The following CCDC70 variants were observed in gnomAD, a reference collection of about 807,000 sequenced individuals.
CCDC70 encodes the protein coiled-coil domain-containing protein 70.
Under a neutral mutation model 9.1 loss-of-function variants are expected in CCDC70, and 4 were observed. That is an observed-to-expected ratio of 0.44 (90% CI 0.22 to 1.00). The LOEUF is 1.00. CCDC70 is among the 50% of genes least tolerant of loss of function. The pLI is 0.25. For missense variants in CCDC70, 308 were observed against 271.3 expected (o/e 1.14, Z -0.95); for synonymous variants, 119 against 94.0 (o/e 1.27, Z -1.54).
Position 51,865,433 on chromosome 13 carries a change from A to C in CCDC70, c.22A>C (p.Arg8=). Residue 8 remains arginine, a synonymous_variant, in exon 2 of 2, where the codon AGA becomes CGA. Coordinates refer to ENST00000242819, the MANE Select transcript of CCDC70 (RefSeq NM_031290.4). MFSFKVS[R]WMGLACFRSL... is the part of the protein sequence containing the mutation. ...GAAGATGTTTTCCTTCAAGGTGAGCAGATGGATGGGGCTTGCCTGCTTCCG... is the reference window on the plus strand; with the variant it reads ...GAAGATGTTTTCCTTCAAGGTGAGCCGATGGATGGGGCTTGCCTGCTTCCG... The C allele has an allele frequency of 1.2e-6, 2 of 1,612,796 alleles. No homozygotes were observed. The highest frequency in any genetic ancestry group is 1.7e-6 in the Non-Finnish European group (2 of 1,179,458).
chr13:51,866,051 TTGC>T lies in CCDC70; in HGVS notation c.643_645del (p.Leu215del). Reference sequence around the variant, plus strand: ...CCACAACGCCAACAGAGGGCAGCGCTTGCTGGCCTTCTCCCGAGGCAGGGCGTA... The same window carrying T: ...CCACAACGCCAACAGAGGGCAGCGCTTGGCCTTCTCCCGAGGCAGGGCGTA... On this transcript the variant is annotated inframe_deletion, in exon 2 of 2. Coordinates refer to ENST00000242819, the MANE Select transcript of CCDC70 (RefSeq NM_031290.4). 1 of 1,592,344 alleles carries T rather than the reference TTGC, an allele frequency of 6.3e-7. No individual in the cohort carries two copies.
In CCDC70 at chr13:51,863,704, CACACACCAGCT is replaced by C. The variant is rs1566370177; in HGVS notation, c.-81+1477_-81+1487del. 6.8e-3 allele frequency among the ~76,000 whole-genome samples: 908 copies of C among 133,632 alleles called. 11 individuals are homozygous for C. Among genetic ancestry groups the C allele is most frequent in the African/African-American group, 0.023 (876 of 38,048 alleles). 87.7% of individuals were successfully genotyped at this position (133,632 alleles called of 152,430 possible). Reference sequence around the variant, plus strand: ...ACACACACACACACACACACACACACACACACCAGCTATGTGTCTTTTCTCCTCCTCCACTC... The same window carrying C: ...ACACACACACACACACACACACACACATGTGTCTTTTCTCCTCCTCCACTC... On this transcript the variant is annotated intron_variant, in intron 1 of 1. Transcript: ENST00000242819.
rs1173078117 is a variant in CCDC70, at chr13:51,863,679, AC to A, written c.-81+1451del. ...CATATGCACGCGCACACAGACACAC[AC>A]ACACACACACACACACACACACACA... On this transcript the variant is annotated intron_variant, in intron 1 of 1. Coordinates refer to ENST00000242819, the MANE Select transcript of CCDC70 (RefSeq NM_031290.4). Among the ~76,000 whole-genome samples the A allele has an allele frequency of 1.6e-4, 16 of 97,386 alleles. 1 individual carries two copies. Among genetic ancestry groups the A allele is most frequent in the Non-Finnish European group, 4.7e-5 (2 of 42,970 alleles). The allele number at this position is 97,386 out of a possible 152,430, so 63.9% of individuals were successfully genotyped here.
chr13:51,865,536 A>G lies in CCDC70; in HGVS notation c.125A>G (p.Glu42Gly). The G allele has an allele frequency of 6.2e-7, 1 of 1,614,250 alleles. No homozygotes were observed. Among genetic ancestry groups the G allele is most frequent in the East Asian group, 2.2e-5 (1 of 44,890 alleles). The change falls in exon 2 of 2, where the codon GAA (glutamate) becomes GGA (glycine). Residue 42 changes from glutamate (E) to glycine (G), a missense_variant. Glu to Gly is a moderately conservative substitution (Grantham distance 98). Transcript: ENST00000242819. ...CTGCAGGAGGAAAAGGCTTTTCGCG[A>G]AGAGATGAAAATTTTTCGTGAAAAA... is the stretch of plus-strand genomic sequence containing the variant. ...HKLQEEKAFR[E>G]EMKIFREKIE...
chr13:51,865,932 G>C lies in CCDC70; in HGVS notation c.521G>C (p.Trp174Ser). The change falls in exon 2 of 2, where the codon TGG (tryptophan) becomes TCG (serine). Residue 174 changes from tryptophan to serine, a missense_variant. By Grantham distance (177) the Trp-to-Ser change is radical. Transcript: ENST00000242819. ...KALWEDKTSL[W>S]EEENALWEEE... ...CTGTGGGAAGATAAAACGTCCCTCTGGGAGGAAGAGAATGCCCTCTGGGAG... is the reference window on the plus strand; with the variant it reads ...CTGTGGGAAGATAAAACGTCCCTCTCGGAGGAAGAGAATGCCCTCTGGGAG... The C allele has an allele frequency of 1.9e-6, 3 of 1,614,064 alleles. No individual in the cohort carries two copies. Among genetic ancestry groups the C allele is most frequent in the Non-Finnish European group, 2.5e-6 (3 of 1,180,016 alleles).
rs1243662270 is a variant in CCDC70, at chr13:51,865,920, A to C, written c.509A>C (p.Lys170Thr). 6.2e-7 allele frequency: 1 copy of C among 1,613,922 alleles called. No individual in the cohort carries two copies. The highest frequency in any genetic ancestry group is 1.3e-5 in the African/African-American group (1 of 74,926). ...LEGEKALWEDKTSLWEEENAL... is the reference protein window; with the variant it reads ...LEGEKALWEDTTSLWEEENAL... ...GGGGAGAAAGCCCTGTGGGAAGATAAAACGTCCCTCTGGGAGGAAGAGAAT... is the reference window on the plus strand; with the variant it reads ...GGGGAGAAAGCCCTGTGGGAAGATACAACGTCCCTCTGGGAGGAAGAGAAT... The change falls in exon 2 of 2, where the codon AAA (lysine) becomes ACA (threonine). Residue 170 changes from lysine to threonine, a missense_variant. Lys to Thr is a moderately conservative substitution (Grantham distance 78). Coordinates refer to ENST00000242819, the MANE Select transcript of CCDC70 (RefSeq NM_031290.4).
chr13:51,862,758 A>C (rs1448474806), intron 1 of CCDC70, among the ~76,000 whole-genome samples: 1 of 152,202 alleles, frequency 6.6e-6, no homozygotes, highest in African/African-American at 2.4e-5. Flanking sequence ...GGGGGCCAGC[A>C]TGACATGGAA....
intron 1 of CCDC70, among the ~76,000 whole-genome samples, chr13:51,863,284 C>T (rs1370934931): frequency 1.3e-5 from 2 of 152,142 alleles, no homozygotes; most frequent in African/African-American, 2.4e-5. Flanking sequence ...CTTCCTAGGG[C>T]GTTCAGCTTT....
Position 51,865,927 on chromosome 13 carries a change from C to T in CCDC70, c.516C>T (p.Ser172=), listed in dbSNP as rs192417012. ...AAGCCCTGTGGGAAGATAAAACGTCCCTCTGGGAGGAAGAGAATGCCCTCT... is the reference window on the plus strand; with the variant it reads ...AAGCCCTGTGGGAAGATAAAACGTCTCTCTGGGAGGAAGAGAATGCCCTCT... ...GEKALWEDKT[S]LWEEENALWE... The change falls in exon 2 of 2, where the codon TCC becomes TCT. Residue 172 remains serine, a synonymous_variant. Transcript: ENST00000242819. The T allele has an allele frequency of 1.2e-6, 2 of 1,613,948 alleles. No individual in the cohort carries two copies. The highest frequency in any genetic ancestry group is 4.5e-5 in the East Asian group (2 of 44,848).
In CCDC70 at chr13:51,865,330, A is replaced by G; in HGVS notation, c.-80-2A>G. 1 of 1,476,666 alleles carries G rather than the reference A, an allele frequency of 6.8e-7. No homozygotes were observed. Among genetic ancestry groups the G allele is most frequent in the African/African-American group, 1.4e-5 (1 of 70,904 alleles). 91.5% of individuals were successfully genotyped at this position (1,476,666 alleles called of 1,614,324 possible). ...GATCTGTCTTTTCTGCTGCCCCCAC[A>G]GGGTCTGACCAGCCGACCTGGACCT... On this transcript the variant is annotated splice_acceptor_variant, in intron 1 of 1. Transcript: ENST00000242819. LOFTEE classifies it low-confidence loss of function (5UTR_SPLICE).
Position 51,865,348 on chromosome 13 carries a change from C to T in CCDC70, c.-64C>T, listed in dbSNP as rs1222777690. On this transcript the variant is annotated 5_prime_UTR_variant, in exon 2 of 2. Coordinates refer to ENST00000242819, the MANE Select transcript of CCDC70 (RefSeq NM_031290.4). Reference sequence around the variant, plus strand: ...CCCCCACAGGGTCTGACCAGCCGACCTGGACCTGGCCAAGGGTCCTGTCAT... The same window carrying T: ...CCCCCACAGGGTCTGACCAGCCGACTTGGACCTGGCCAAGGGTCCTGTCAT... The T allele has an allele frequency of 2.6e-6, 4 of 1,544,384 alleles. No homozygotes were observed. The South Asian group carries it at 5.0e-5, about 19-fold the overall frequency.
Position 51,862,799 on chromosome 13 carries a change from T to C in CCDC70, c.-81+570T>C, listed in dbSNP as rs149676529. ...GGAGGACTTCACATATTGGAGGGAT[T>C]CTAGGCAAAGAGCCATACAACATAG... On this transcript the variant is annotated intron_variant, in intron 1 of 1. Coordinates refer to ENST00000242819, the MANE Select transcript of CCDC70 (RefSeq NM_031290.4). Among the ~76,000 whole-genome samples the C allele has an allele frequency of 5.2e-3, 794 of 152,262 alleles. 9 individuals are homozygous for C. Among genetic ancestry groups the C allele is most frequent in the African/African-American group, 0.018 (767 of 41,546 alleles).
Position 51,866,101 on chromosome 13 carries a change from C to G in CCDC70, c.*21C>G, listed in dbSNP as rs1956423488. ...CGTAGCCAGCATGCAGGTGCAGGGC[C>G]CTGTGGTCCAGACTCCCCTGGGTTG... On this transcript the variant is annotated 3_prime_UTR_variant, in exon 2 of 2. Coordinates refer to ENST00000242819, the MANE Select transcript of CCDC70 (RefSeq NM_031290.4). The G allele has an allele frequency of 3.3e-6, 5 of 1,537,666 alleles. No individual in the cohort carries two copies. The highest frequency in any genetic ancestry group is 4.4e-6 in the Non-Finnish European group (5 of 1,145,464).
chr13:51,866,040 G>A lies in CCDC70; in HGVS notation c.629G>A (p.Arg210Lys). 2 of 1,603,698 alleles carry A rather than the reference G, an allele frequency of 1.2e-6. No individual in the cohort carries two copies. Among genetic ancestry groups the A allele is most frequent in the Non-Finnish European group, 8.5e-7 (1 of 1,175,706 alleles). ...MLEDGPHNAN[R>K]GQRLLAFSRG... Reference sequence around the variant, plus strand: ...GAAGATGGGCCCCACAACGCCAACAGAGGGCAGCGCTTGCTGGCCTTCTCC... The same window carrying A: ...GAAGATGGGCCCCACAACGCCAACAAAGGGCAGCGCTTGCTGGCCTTCTCC... Residue 210 changes from arginine (R) to lysine (K), a missense_variant, in exon 2 of 2, where the codon AGA becomes AAA. By Grantham distance (26) the Arg-to-Lys change is conservative. Transcript: ENST00000242819.
chr13:51,863,224 C>A (rs1334901692), intron 1 of CCDC70, among the ~76,000 whole-genome samples: 1 of 152,182 alleles, frequency 6.6e-6, no homozygotes, highest in Admixed American at 6.5e-5. Context: ...TGGGTGCAGG[C>A]TGGGTAGGAA....
chr13:51,862,154 G>A lies in CCDC70; in HGVS notation c.-156G>A, dbSNP rs1322075097. 1 of 152,246 alleles carries A rather than the reference G, an allele frequency of 6.6e-6. No homozygotes were observed. The highest frequency in any genetic ancestry group is 1.5e-5 in the Non-Finnish European group (1 of 68,086). 9.4% of individuals were successfully genotyped at this position (152,246 alleles called of 1,614,324 possible). ...GGCAAGCCTGCAAGCACGCATCACT[G>A]GGGATCTGACATGACAATGGCCGCC... On this transcript the variant is annotated 5_prime_UTR_variant, in exon 1 of 2. Coordinates refer to ENST00000242819, the MANE Select transcript of CCDC70 (RefSeq NM_031290.4).
intron 1 of CCDC70, 123 bp downstream of exon 1, chr13:51,862,352 A>G (rs1956388758): frequency 6.6e-6 from 1 of 152,248 alleles, no homozygotes; most frequent in Non-Finnish European, 1.5e-5. Flanking sequence ...ATGTATCTTT[A>G]GTGCATGTTT....
intron 1 of CCDC70, among the ~76,000 whole-genome samples, chr13:51,864,014 G>A (rs138163027): frequency 6.6e-6 from 1 of 152,220 alleles, no homozygotes; most frequent in African/African-American, 2.4e-5. Context: ...GGATTGCTAT[G>A]GATAATTCTG....
chr13:51,863,709 A>ACACC (rs35373499), intron 1 of CCDC70, among the ~76,000 whole-genome samples: 1 of 64,866 alleles, frequency 1.5e-5, no homozygotes, highest in African/African-American at 4.8e-5. Context: ...ACACACACAC[A>ACACC]CCAGCTATGT....
Sources: allele counts gnomAD v4.1 joint callset (sites outside exome capture counted in the v4.1 genomes callset), GRCh38; gene constraint gnomAD v4.1.1; transcripts MANE v1.5; gene names NCBI Gene and HGNC (gene_info 2026-07-23, HGNC 2026-07-21).